The following QSOX2 variants were observed in gnomAD, a reference collection of about 807,000 sequenced individuals.
QSOX2 encodes the protein sulfhydryl oxidase 2.
QSOX2 carries 46 observed loss-of-function variants against 61.7 expected under a neutral mutation model. That is an observed-to-expected ratio of 0.75 (90% confidence interval 0.59 to 0.95). The LOEUF (loss-of-function observed/expected upper bound fraction) is 0.95. QSOX2 is among the 40% of genes least tolerant of loss of function. The pLI is 0.00. For missense variants in QSOX2, 879 were observed against 918.9 expected, an observed-to-expected ratio of 0.96 and a Z score of 0.56; for synonymous variants, 383 against 388.4, an observed-to-expected ratio of 0.99 and a Z score of 0.16.
Position 136,245,728 on chromosome 9 carries a change from G to T in QSOX2, c.76C>A (p.Pro26Thr). ...GGCAGCCGTGCGGCCCGCGGCGGGG[G>T]CGAGCGCCGGGCTCTCAGCGCAGGT... The part of the protein sequence containing the change: ...AGPALRARRS[P>T]PPRAARLPRL... Residue 26 changes from proline to threonine, a missense_variant, in exon 1 of 12, where the codon CCC becomes ACC. Physicochemically the swap from Pro to Thr is conservative, Grantham distance 38 (BLOSUM62 -1). Coordinates refer to ENST00000358701, the MANE Select transcript of QSOX2 (RefSeq NM_181701.4). 1 of 1,142,532 alleles carries T rather than the reference G, an allele frequency of 8.8e-7. No individual in the cohort carries two copies. The highest frequency in any genetic ancestry group is 1.1e-6 in the Non-Finnish European group (1 of 931,474). 70.8% of individuals were successfully genotyped at this position (1,142,532 alleles called of 1,614,324 possible).
At chr9:136,239,282 G>A (rs1024623463) in intron 1 of QSOX2, among the ~76,000 whole-genome samples, 6 of 152,080 alleles carry the variant, frequency 3.9e-5, no homozygotes, top group African/African-American at 1.2e-4. Context: ...TCCTGGGCTC[G>A]AGTGATCTTC....
chr9:136,240,127 C>G (rs1280089553), intron 1 of QSOX2, among the ~76,000 whole-genome samples: 1 of 152,196 alleles, frequency 6.6e-6, no homozygotes, highest in East Asian at 1.9e-4. Flanking sequence ...CCCAACCCAG[C>G]ACAGCCAGGG....
chr9:136,224,881 G>T lies in QSOX2; in HGVS notation c.458C>A (p.Thr153Lys), dbSNP rs967541020. The change falls in exon 3 of 12, where the codon ACA becomes AAA. Residue 153 changes from threonine (T) to lysine (K), a missense_variant. By Grantham distance (78) the Thr-to-Lys change is moderately conservative. Transcript: ENST00000358701. ...RYFKAFTKEF[T>K]TGENFKGPDR... Reference sequence around the variant, plus strand: ...CTTACCTTTAAAATTTTCTCCAGTTGTAAACTCCTTTGTAAATGCTTTAAA... The same window carrying T: ...CTTACCTTTAAAATTTTCTCCAGTTTTAAACTCCTTTGTAAATGCTTTAAA... 1.1e-5 allele frequency: 18 copies of T among 1,604,142 alleles called. No homozygotes were observed. Among genetic ancestry groups the T allele is most frequent in the Non-Finnish European group, 1.4e-5 (17 of 1,174,132 alleles).
Position 136,206,724 on chromosome 9 carries a change from T to C in QSOX2, c.*2004A>G, listed in dbSNP as rs1045039956. 1.2e-4 allele frequency: 19 copies of C among 152,194 alleles called. No individual in the cohort carries two copies. The highest frequency in any genetic ancestry group is 4.3e-4 in the African/African-American group (18 of 41,388). The allele number at this position is 152,194 out of a possible 1,614,324, so 9.4% of individuals were successfully genotyped here. The stretch of plus-strand genomic sequence containing the variant: ...GCAGGACGCAAGCTTGTTCCCCAAA[T>C]AGTGGTGACCTCAAACTGCAATATG... On this transcript the variant is annotated 3_prime_UTR_variant, in exon 12 of 12. Transcript: ENST00000358701.
At chr9:136,212,197 C>A (rs2131049457) in intron 10 of QSOX2, among the ~76,000 whole-genome samples, 1 of 152,328 alleles carries the variant, frequency 6.6e-6, no homozygotes, top group African/African-American at 2.4e-5. Flanking sequence ...GCAGCCAGCA[C>A]CGCAACCAAG....
Position 136,224,425 on chromosome 9 carries a change from A to ACAGGC in QSOX2, c.479-318_479-314dup, listed in dbSNP as rs571094190. The stretch of plus-strand genomic sequence containing the variant: ...GCCAGGCGGCTCCACTGGGTCACTC[A>ACAGGC]CAGGCAGAGCCCCCCCAGGGCGCGG... On this transcript the variant is annotated intron_variant, in intron 3 of 11. Coordinates refer to ENST00000358701, the MANE Select transcript of QSOX2 (RefSeq NM_181701.4). Among the ~76,000 whole-genome samples, 971 of 152,168 alleles carry ACAGGC rather than the reference A, an allele frequency of 6.4e-3. 10 individuals are homozygous for ACAGGC. The highest frequency in any genetic ancestry group is 0.022 in the African/African-American group (901 of 41,532).
At position 136,218,717 on chromosome 9, in the gene QSOX2, G is replaced by T. The variant is rs1831943882; in HGVS notation, c.1048C>A (p.Leu350Met). Residue 350 changes from leucine to methionine, a missense_variant, in exon 8 of 12, where the codon CTG becomes ATG. Physicochemically the swap from Leu to Met is conservative, Grantham distance 15. Coordinates refer to ENST00000358701, the MANE Select transcript of QSOX2 (RefSeq NM_181701.4). ...AAHKSLAGAELKTLKDFVTVL... is the reference protein window; with the variant it reads ...AAHKSLAGAEMKTLKDFVTVL... The stretch of plus-strand genomic sequence containing the variant: ...GTCACAAAGTCCTTGAGCGTCTTCA[G>T]CTCTGCTCCGGCCAGGGACTTGTGG... The T allele has an allele frequency of 6.2e-7, 1 of 1,613,686 alleles. No homozygotes were observed. The highest frequency in any genetic ancestry group is 1.7e-5 in the Admixed American group (1 of 60,000).
At chr9:136,210,151 A>G in intron 11 of QSOX2, 5 of 985,476 alleles carry the variant, frequency 5.1e-6, no homozygotes, top group Non-Finnish European at 6.0e-6. Context: ...ACAAGCACAG[A>G]CCAGTGGCAC....
intron 1 of QSOX2, among the ~76,000 whole-genome samples, chr9:136,233,117 G>A (rs952728770): frequency 2.6e-5 from 4 of 152,024 alleles, no homozygotes; most frequent in Non-Finnish European, 4.4e-5. Flanking sequence ...ACACGCTGCC[G>A]GGTGTATCAG....
chr9:136,227,682 T>A (rs1830294288), intron 1 of QSOX2, among the ~76,000 whole-genome samples: 1 of 152,154 alleles, frequency 6.6e-6, no homozygotes, highest in African/African-American at 2.4e-5. Flanking sequence ...CTCTGAAAGA[T>A]GAAGGCTCTC....
Position 136,209,439 on chromosome 9 carries a change from T to G in QSOX2, c.1550-164A>C. On this transcript the variant is annotated intron_variant, in intron 11 of 11. Coordinates refer to ENST00000358701, the MANE Select transcript of QSOX2 (RefSeq NM_181701.4). This position sits in a 1 kb window ranked among gnomAD's most constrained non-coding sequence, Gnocchi z 5.6. ...CCTGCCCTTCCCACCACCCGTCCCT[T>G]GCAGTTCGGCCCAGATAACATCCTG... 5.1e-6 allele frequency: 5 copies of G among 985,370 alleles called. No homozygotes were observed. Among genetic ancestry groups the G allele is most frequent in the Non-Finnish European group, 6.0e-6 (5 of 829,912 alleles). The allele number at this position is 985,370 out of a possible 1,614,324, so 61.0% of individuals were successfully genotyped here. A position where few individuals can be genotyped will look rare whatever the true frequency, so the allele number is the denominator to read the frequency against.
Position 136,221,600 on chromosome 9 carries a change from A to C in QSOX2, c.821+196T>G, listed in dbSNP as rs951723843. ...AGGTGCGGGGACACAGCAGTGAGAAAACAGAAATCCACGAAAACACAGCAC... is the reference window on the plus strand; with the variant it reads ...AGGTGCGGGGACACAGCAGTGAGAACACAGAAATCCACGAAAACACAGCAC... On this transcript the variant is annotated intron_variant, in intron 6 of 11. Transcript: ENST00000358701. The surrounding 1 kb of genome is among the most constrained non-coding windows in gnomAD (Gnocchi z 4.5). Among the ~76,000 whole-genome samples the C allele has an allele frequency of 6.6e-6, 1 of 152,192 alleles. No individual in the cohort carries two copies. The highest frequency in any genetic ancestry group is 2.1e-4 in the South Asian group (1 of 4,832).
At chr9:136,211,977 C>T (rs930837785) in intron 10 of QSOX2, among the ~76,000 whole-genome samples, 7 of 152,234 alleles carry the variant, frequency 4.6e-5, no homozygotes, top group African/African-American at 1.2e-4. Context: ...AGTGGGGACA[C>T]GGCCTTAGGA....
At chr9:136,236,926 C>T (rs1285357528) in intron 1 of QSOX2, among the ~76,000 whole-genome samples, 2 of 147,874 alleles carry the variant, frequency 1.4e-5, no homozygotes, top group Admixed American at 6.7e-5. Flanking sequence ...ACACCTGGAG[C>T]CCGTCCTGGG....
chr9:136,229,924 G>A (rs531979686), intron 1 of QSOX2, among the ~76,000 whole-genome samples: 7 of 152,312 alleles, frequency 4.6e-5, no homozygotes, highest in East Asian at 1.9e-4. Flanking sequence ...GAACTCTCCC[G>A]GCACCTCAGG....
chr9:136,217,568 A>G (rs982869136), intron 8 of QSOX2, among the ~76,000 whole-genome samples: 4 of 152,366 alleles, frequency 2.6e-5, no homozygotes, highest in African/African-American at 7.2e-5. Context: ...CATCCAAGTA[A>G]ACTTCAGAAA....
chr9:136,219,160 T>A lies in QSOX2; in HGVS notation c.826A>T (p.Lys276Ter). ...GACGAAAAGAAGGCCCGCAGAGGCT[T>A]CACGCTGTGAGAGAGGGGAGGGCAA... ...NGSHGLINVV[K>*]PLRAFFSSYL... Residue 276 changes from lysine to a stop codon, truncating the protein, a stop_gained, in exon 7 of 12, where the codon AAG becomes TAG. Coordinates refer to ENST00000358701, the MANE Select transcript of QSOX2 (RefSeq NM_181701.4). LOFTEE classifies it high-confidence loss of function. 6.2e-7 allele frequency: 1 copy of A among 1,613,430 alleles called. No homozygotes were observed. Among genetic ancestry groups the A allele is most frequent in the Non-Finnish European group, 8.5e-7 (1 of 1,179,766 alleles).
chr9:136,223,551 C>T lies in QSOX2; in HGVS notation c.675+212G>A, dbSNP rs1238860875. 2.0e-5 allele frequency among the ~76,000 whole-genome samples: 3 copies of T among 152,164 alleles called. No individual in the cohort carries two copies. Among genetic ancestry groups the T allele is most frequent in the African/African-American group, 4.8e-5 (2 of 41,426 alleles). ...AGGCCACCTTCTGAACCCCTCCCAC[C>T]GCCAAGCTCATTCATCCTAACAGTC... is the stretch of plus-strand genomic sequence containing the variant. On this transcript the variant is annotated intron_variant, in intron 5 of 11. Transcript: ENST00000358701. This position sits in a 1 kb window ranked among gnomAD's most constrained non-coding sequence, Gnocchi z 4.4.
At chr9:136,231,550 C>T (rs1471790444) in intron 1 of QSOX2, among the ~76,000 whole-genome samples, 1 of 152,266 alleles carries the variant, frequency 6.6e-6, no homozygotes, top group Admixed American at 6.5e-5. Context: ...GGCAGGGATC[C>T]GTGTCCAATC....
Sources: gnomAD v4.1 joint callset for allele counts (sites outside exome capture counted in the v4.1 genomes callset) on GRCh38, gnomAD v4.1.1 for gene constraint, Gnocchi (gnomAD v3.1) non-coding constraint, MANE v1.5 for transcripts, NCBI Gene and HGNC (gene_info 2026-07-23, HGNC 2026-07-21) for gene names.